GABBR2: variants seen among roughly 807,000 people sequenced by gnomAD.
GABBR2 encodes the protein gamma-aminobutyric acid type B receptor subunit 2.
Under a neutral mutation model 105.6 loss-of-function variants are expected in GABBR2, and 23 were observed. The ratio of observed to expected loss-of-function variants is 0.22; its 90% CI spans 0.16 to 0.31. The LOEUF (loss-of-function observed/expected upper bound fraction) is 0.31. GABBR2 is among the 10% of genes least tolerant of loss of function. The pLI, the probability that GABBR2 is intolerant of heterozygous loss-of-function variation, is 1.00. For synonymous variants in GABBR2, 478 were observed against 499.7 expected (o/e 0.96, Z 0.58); for missense variants, 734 against 1,245.5 (o/e 0.59, Z 6.18).
At position 98,416,019 on chromosome 9, in the gene GABBR2, T is replaced by C. The variant is rs539956798; in HGVS notation, c.1237-9878A>G. On this transcript the variant is annotated intron_variant, in intron 7 of 18. Coordinates refer to ENST00000259455, the MANE Select transcript of GABBR2 (RefSeq NM_005458.8). ...GGAAAGATAGGTAGTCAGGGATGTG[T>C]TGGTTAATGTTTAACAGCTGGCTTT... Among the ~76,000 whole-genome samples, 10 of 152,286 alleles carry C rather than the reference T, an allele frequency of 6.6e-5. No individual in the cohort carries two copies. In the South Asian group the frequency reaches 1.7e-3, roughly 25 times the overall value.
At chr9:98,488,045 C>G (rs1827097000) in intron 4 of GABBR2, among the ~76,000 whole-genome samples, 1 of 152,066 alleles carries the variant, frequency 6.6e-6, no homozygotes, top group Non-Finnish European at 1.5e-5. Context: ...GACTATGGCT[C>G]ACTTTGAAGA....
rs1825918462 is a variant in GABBR2 at position 98,436,362 on chromosome 9, T to TACACACACACACC, written c.1236+17618_1236+17619insGGTGTGTGTGTGT. On this transcript the variant is annotated intron_variant, in intron 7 of 18. Coordinates refer to ENST00000259455, the MANE Select transcript of GABBR2 (RefSeq NM_005458.8). Reference sequence around the variant, plus strand: ...CACACACACACCATATATATATATATATATATATATATATATATATATATA... The same window carrying TACACACACACACC: ...CACACACACACCATATATATATATATACACACACACACCATATATATATATATATATATATATA... Among the ~76,000 whole-genome samples, 6 of 5,614 alleles carry TACACACACACACC rather than the reference T, an allele frequency of 1.1e-3. 1 individual carries two copies. The highest frequency in any genetic ancestry group is 3.4e-3 in the African/African-American group (6 of 1,786). The allele number at this position is 5,614 out of a possible 152,430, so 3.7% of individuals were successfully genotyped here.
In GABBR2 at chr9:98,290,526, C is replaced by T. The variant is rs1830285880; in HGVS notation, c.*58G>A. The stretch of plus-strand genomic sequence containing the variant: ...GAGCCGACAGTGTTTCTGCAGCAGA[C>T]CCCTCTGCCCAGTGTGGTTCTGTCA... On this transcript the variant is annotated 3_prime_UTR_variant, in exon 19 of 19. Coordinates refer to ENST00000259455, the MANE Select transcript of GABBR2 (RefSeq NM_005458.8). 1 of 1,175,732 alleles carries T rather than the reference C, an allele frequency of 8.5e-7. No individual in the cohort carries two copies. Among genetic ancestry groups the T allele is most frequent in the Non-Finnish European group, 1.1e-6 (1 of 909,244 alleles). The allele number at this position is 1,175,732 out of a possible 1,614,324, so 72.8% of individuals were successfully genotyped here.
chr9:98,373,331 A>AT (rs1445687909), intron 11 of GABBR2, among the ~76,000 whole-genome samples: 1 of 152,188 alleles, frequency 6.6e-6, no homozygotes, highest in Non-Finnish European at 1.5e-5. Flanking sequence ...CACCAGGGTG[A>AT]TTTTTTGGAG....
intron 12 of GABBR2, among the ~76,000 whole-genome samples, chr9:98,368,517 G>A (rs1361610580): frequency 6.6e-6 from 1 of 152,082 alleles, no homozygotes; most frequent in African/African-American, 2.4e-5. Context: ...CATGGCCTCT[G>A]GTGACCACAC....
At chr9:98,324,687 G>A (rs574717041) in intron 13 of GABBR2, among the ~76,000 whole-genome samples, 3 of 152,276 alleles carry the variant, frequency 2.0e-5, no homozygotes, top group East Asian at 3.9e-4. Flanking sequence ...CACTGCTGGC[G>A]GTGTGTGGGG....
At chr9:98,562,022 C>T (rs1428300479) in intron 2 of GABBR2, among the ~76,000 whole-genome samples, 1 of 152,138 alleles carries the variant, frequency 6.6e-6, no homozygotes, top group Non-Finnish European at 1.5e-5. Flanking sequence ...CAGCGTTTCA[C>T]CCCATAGATT....
At chr9:98,637,194 T>A (rs1261939980) in intron 1 of GABBR2, among the ~76,000 whole-genome samples, 3 of 152,142 alleles carry the variant, frequency 2.0e-5, no homozygotes, top group African/African-American at 7.2e-5. Flanking sequence ...AATCCTTCTG[T>A]GACAGGCTGC....
At position 98,586,682 on chromosome 9, in the gene GABBR2, A is replaced by G. The variant is rs117078118; in HGVS notation, c.322-8610T>C. 4.2e-3 allele frequency among the ~76,000 whole-genome samples: 647 copies of G among 152,326 alleles called. 3 individuals are homozygous for G. Among genetic ancestry groups the G allele is most frequent in the Non-Finnish European group, 7.7e-3 (523 of 68,026 alleles). ...TAATTTTACTCATTTCCGAACATAC[A>G]TATAAGTGGAATTGTGTTATACATT... On this transcript the variant is annotated intron_variant, in intron 1 of 18. Transcript: ENST00000259455.
At chr9:98,294,062 G>A (rs1241095306) in intron 17 of GABBR2, among the ~76,000 whole-genome samples, 160 bp from the exon 18 acceptor site, 4 of 152,130 alleles carry the variant, frequency 2.6e-5, no homozygotes, top group African/African-American at 9.7e-5. Flanking sequence ...TGGCTCTCCC[G>A]GGACCAAGGC....
At chr9:98,685,697 T>C (rs1830611848) in intron 1 of GABBR2, among the ~76,000 whole-genome samples, 1 of 152,188 alleles carries the variant, frequency 6.6e-6, no homozygotes, top group African/African-American at 2.4e-5. Flanking sequence ...TTGATTTTAC[T>C]TATTTTATTT....
At chr9:98,498,831 T>C (rs912067102) in intron 3 of GABBR2, among the ~76,000 whole-genome samples, 5 of 152,240 alleles carry the variant, frequency 3.3e-5, no homozygotes, top group Non-Finnish European at 5.9e-5. Context: ...TGGATACAGG[T>C]GGGCCCCATG....
intron 13 of GABBR2, among the ~76,000 whole-genome samples, chr9:98,352,911 T>C (rs1048848382): frequency 6.6e-6 from 1 of 152,072 alleles, no homozygotes; most frequent in Non-Finnish European, 1.5e-5. Flanking sequence ...CTTCAGTATG[T>C]ATAGATGTAG....
At chr9:98,582,367 A>C (rs1829014642) in intron 1 of GABBR2, among the ~76,000 whole-genome samples, 1 of 152,146 alleles carries the variant, frequency 6.6e-6, no homozygotes, top group Non-Finnish European at 1.5e-5. Context: ...AAGAAACTGA[A>C]CTCTGCCAAT....
chr9:98,511,683 T>C (rs1357215570), intron 3 of GABBR2, among the ~76,000 whole-genome samples: 3 of 152,110 alleles, frequency 2.0e-5, no homozygotes, highest in African/African-American at 7.2e-5. Context: ...CCTCGACACA[T>C]ACATCCTCCC....
At chr9:98,620,082 C>A (rs1829647168) in intron 1 of GABBR2, among the ~76,000 whole-genome samples, 1 of 152,202 alleles carries the variant, frequency 6.6e-6, no homozygotes, top group Admixed American at 6.5e-5. Context: ...CAGAGCCTGG[C>A]CCACAGGAGG....
chr9:98,358,740 C>T (rs1028920867), intron 13 of GABBR2, among the ~76,000 whole-genome samples: 1 of 152,136 alleles, frequency 6.6e-6, no homozygotes, highest in Non-Finnish European at 1.5e-5. Flanking sequence ...GTGGCAGGGG[C>T]GTCATGGAGT....
At chr9:98,636,631 C>T (rs1829881133) in intron 1 of GABBR2, among the ~76,000 whole-genome samples, 1 of 151,424 alleles carries the variant, frequency 6.6e-6, no homozygotes, top group Non-Finnish European at 1.5e-5. Context: ...GTAGCTGGGA[C>T]TACAGATGCA....
intron 5 of GABBR2, among the ~76,000 whole-genome samples, chr9:98,475,851 T>C (rs1190484858): frequency 1.3e-5 from 2 of 152,142 alleles, no homozygotes; most frequent in African/African-American, 4.8e-5. Flanking sequence ...TCACTTGAGG[T>C]CAGGAGTTCA....
Sources: gnomAD v4.1 joint callset for allele counts (sites outside exome capture counted in the v4.1 genomes callset) on GRCh38, gnomAD v4.1.1 for gene constraint, MANE v1.5 for transcripts, NCBI Gene and HGNC (gene_info 2026-07-23, HGNC 2026-07-21) for gene names.